The following ADGRL3 variants were observed in gnomAD, a reference collection of about 807,000 sequenced individuals.
ADGRL3 encodes calcium-independent alpha-latrotoxin receptor 3.
ADGRL3 carries 62 observed loss-of-function variants against 153.5 expected under a neutral mutation model. That is an observed-to-expected ratio of 0.40 (90% CI 0.33 to 0.50). The LOEUF is 0.50. ADGRL3 is among the 20% of genes least tolerant of loss of function. The probability of loss-of-function intolerance (pLI) is 0.47; values close to 1 mark genes in which losing one functional copy is unlikely to be tolerated. For synonymous variants in ADGRL3, 710 were observed against 672.5 expected (o/e 1.06, Z -0.86); for missense variants, 1,641 against 1,859.4 (o/e 0.88, Z 2.16).
chr4:61,251,463 C>T (rs554120315), intron 1 of ADGRL3, among the ~76,000 whole-genome samples: 2 of 152,180 alleles, frequency 1.3e-5, no homozygotes, highest in Non-Finnish European at 1.5e-5. Flanking sequence ...CATGGCATCA[C>T]TTTTGCCACA....
chr4:61,347,879 T>C (rs1156298094), intron 1 of ADGRL3, among the ~76,000 whole-genome samples: 1 of 152,128 alleles, frequency 6.6e-6, no homozygotes, highest in African/African-American at 2.4e-5. Flanking sequence ...ACGTCTATCT[T>C]TATTCTTTCT....
At chr4:61,476,104 T>C (rs965533410) in intron 2 of ADGRL3, among the ~76,000 whole-genome samples, 4 of 152,224 alleles carry the variant, frequency 2.6e-5, no homozygotes, top group Non-Finnish European at 5.9e-5. Flanking sequence ...ACAGCCATAG[T>C]ACTCTGTCTT....
intron 25 of ADGRL3, among the ~76,000 whole-genome samples, chr4:62,048,285 C>T (rs1280205895): frequency 2.6e-5 from 4 of 151,936 alleles, no homozygotes; most frequent in Non-Finnish European, 5.9e-5. Context: ...ATTTTTGAGA[C>T]AGAGTCTTGC....
intron 2 of ADGRL3, among the ~76,000 whole-genome samples, chr4:61,423,176 A>C (rs796961739): frequency 6.6e-6 from 1 of 152,334 alleles, no homozygotes; most frequent in African/African-American, 2.4e-5. Context: ...TGGTTTATGT[A>C]GTATTTTTGT....
chr4:61,690,894 G>C (rs931348324), intron 6 of ADGRL3, among the ~76,000 whole-genome samples: 1 of 152,096 alleles, frequency 6.6e-6, no homozygotes, highest in Non-Finnish European at 1.5e-5. Flanking sequence ...GCTTAGAAAA[G>C]AATATGACTG....
chr4:61,344,232 C>A (rs142454819), intron 1 of ADGRL3, among the ~76,000 whole-genome samples: 1,633 of 152,282 alleles, frequency 0.011, 15 homozygotes, highest in Non-Finnish European at 0.017. Context: ...GACCTTCCTT[C>A]AAAGTCACTT....
chr4:61,600,180 C>T (rs1400788976), intron 5 of ADGRL3, among the ~76,000 whole-genome samples: 1 of 151,510 alleles, frequency 6.6e-6, no homozygotes, highest in Non-Finnish European at 1.5e-5. Flanking sequence ...TGGTGGCATG[C>T]ATCTGTAGTC....
At chr4:62,000,491 G>A (rs1179781067) in intron 21 of ADGRL3, among the ~76,000 whole-genome samples, 19 of 151,926 alleles carry the variant, frequency 1.3e-4, no homozygotes, top group Non-Finnish European at 2.9e-5. Context: ...AGTGGCATTG[G>A]TAGCATCAAG....
At chr4:61,662,761 GC>G (rs2094644221) in intron 5 of ADGRL3, among the ~76,000 whole-genome samples, 2 of 152,196 alleles carry the variant, frequency 1.3e-5, no homozygotes, top group South Asian at 4.1e-4. Flanking sequence ...AACTTATGGA[GC>G]TTTTTCTGGC....
chr4:61,223,365 C>T (rs754194250), intron 1 of ADGRL3, among the ~76,000 whole-genome samples: 20 of 152,296 alleles, frequency 1.3e-4, no homozygotes, highest in Admixed American at 1.2e-3. Flanking sequence ...TCTGCAGTTA[C>T]GGATACAACT....
chr4:61,906,955 A>C (rs190890380), intron 11 of ADGRL3, among the ~76,000 whole-genome samples: 1 of 152,258 alleles, frequency 6.6e-6, no homozygotes, highest in African/African-American at 2.4e-5. Context: ...GCTTACAAAG[A>C]GAATAGCTTT....
At chr4:61,817,992 C>T (rs2097707329) in intron 9 of ADGRL3, among the ~76,000 whole-genome samples, 1 of 152,080 alleles carries the variant, frequency 6.6e-6, no homozygotes, top group African/African-American at 2.4e-5. Flanking sequence ...CATCCCAGCC[C>T]CTCCCAAATC....
intron 17 of ADGRL3, among the ~76,000 whole-genome samples, chr4:61,975,307 G>A (rs1469558119): frequency 6.6e-6 from 1 of 152,082 alleles, no homozygotes; most frequent in Non-Finnish European, 1.5e-5. Flanking sequence ...AATAAAAGGA[G>A]TGTGGCAAGT....
At chr4:61,804,478 G>T (rs932750535) in intron 8 of ADGRL3, among the ~76,000 whole-genome samples, 10 of 152,036 alleles carry the variant, frequency 6.6e-5, no homozygotes, top group African/African-American at 1.9e-4. Flanking sequence ...TATATATTCT[G>T]CTAAAAACCT....
At chr4:61,364,641 A>G (rs1399046885) in intron 1 of ADGRL3, among the ~76,000 whole-genome samples, 1 of 152,218 alleles carries the variant, frequency 6.6e-6, no homozygotes, top group Non-Finnish European at 1.5e-5. Context: ...CTATTGTAAG[A>G]TAAATGAATA....
chr4:61,412,258 A>C (rs1157582567), intron 2 of ADGRL3, among the ~76,000 whole-genome samples: 1 of 151,938 alleles, frequency 6.6e-6, no homozygotes, highest in African/African-American at 2.4e-5. Context: ...TTTTTTTAAT[A>C]AATTTTTTTC....
At chr4:61,895,070 C>A (rs1482802700) in intron 10 of ADGRL3, among the ~76,000 whole-genome samples, 4 of 152,050 alleles carry the variant, frequency 2.6e-5, no homozygotes, top group Non-Finnish European at 5.9e-5. Context: ...TCTGAAAAAC[C>A]TGCACACTTA....
intron 8 of ADGRL3, among the ~76,000 whole-genome samples, chr4:61,757,070 T>A (rs1367005684): frequency 6.6e-6 from 1 of 152,168 alleles, no homozygotes; most frequent in Admixed American, 6.5e-5. Context: ...GAGATATTGG[T>A]CTAAAATTCT....
chr4:61,591,960 C>G (rs1473239206), intron 5 of ADGRL3, among the ~76,000 whole-genome samples: 1 of 151,274 alleles, frequency 6.6e-6, no homozygotes, highest in African/African-American at 2.4e-5. Flanking sequence ...CCTATGGTCC[C>G]AGCTGCTCGG....
Sources: gnomAD v4.1 joint callset for allele counts (sites outside exome capture counted in the v4.1 genomes callset) on GRCh38, gnomAD v4.1.1 for gene constraint, MANE v1.5 for transcripts, NCBI Gene and HGNC (gene_info 2026-07-23, HGNC 2026-07-21) for gene names.